Variants in CTNNA3 observed in about 807,000 individuals in gnomAD.
The protein encoded by CTNNA3 is catenin alpha 3.
In CTNNA3, 76 loss-of-function variants were observed where a neutral mutation model predicts 95.7. The observed-to-expected ratio is 0.79, with a 90% confidence interval of 0.66 to 0.96. The LOEUF (loss-of-function observed/expected upper bound fraction) is 0.96. Ranked by LOEUF, CTNNA3 falls within the 40% of genes least tolerant of loss-of-function variation. CTNNA3 has a pLI of 0.00. For missense variants in CTNNA3, 1,191 were observed against 1,089.8 expected, an observed-to-expected ratio of 1.09 and a Z score of -1.31; for synonymous variants, 431 against 374.4, an observed-to-expected ratio of 1.15 and a Z score of -1.74.
At chr10:67,442,386 A>G (rs1846554454) in intron 5 of CTNNA3, among the ~76,000 whole-genome samples, 1 of 152,156 alleles carries the variant, frequency 6.6e-6, no homozygotes, top group Admixed American at 6.6e-5. Flanking sequence ...TAAATGGACT[A>G]AACTCTGCAA....
intron 5 of CTNNA3, among the ~76,000 whole-genome samples, chr10:67,433,803 G>A (rs902679721): frequency 1.6e-4 from 25 of 152,022 alleles, no homozygotes; most frequent in African/African-American, 4.8e-4. Flanking sequence ...ACACCACTTC[G>A]CACAATAGCT....
intron 7 of CTNNA3, among the ~76,000 whole-genome samples, chr10:66,908,539 A>G (rs1564758637): frequency 6.6e-6 from 1 of 152,164 alleles, no homozygotes; most frequent in Non-Finnish European, 1.5e-5. Context: ...ATGTTCTCTA[A>G]GAAGTCCTGG....
chr10:66,010,737 A>G (rs1454873425), intron 15 of CTNNA3, among the ~76,000 whole-genome samples: 2 of 152,200 alleles, frequency 1.3e-5, no homozygotes, highest in African/African-American at 4.8e-5. Context: ...GCACATGATA[A>G]CTAATTGTAG....
At chr10:67,750,541 AC>A in intron 1 of CTNNA3, 2 of 1,577,796 alleles carry the variant, frequency 1.3e-6, no homozygotes, top group Non-Finnish European at 1.7e-6. Flanking sequence ...TCTTTGAGAG[AC>A]CCCTTGTGAG....
chr10:67,451,289 C>T (rs10997648), intron 5 of CTNNA3, among the ~76,000 whole-genome samples: 40,939 of 151,790 alleles, frequency 0.27, 8,481 homozygotes, highest in African/African-American at 0.58. Context: ...TTATAAATTA[C>T]GCAGTCTGTG....
intron 1 of CTNNA3, among the ~76,000 whole-genome samples, chr10:67,717,133 C>T (rs1841148861): frequency 6.6e-6 from 1 of 152,104 alleles, no homozygotes; most frequent in Non-Finnish European, 1.5e-5. Flanking sequence ...TGAGAAGTAT[C>T]TGTTCATATC....
intron 9 of CTNNA3, among the ~76,000 whole-genome samples, chr10:66,673,182 A>G (rs777288025): frequency 5.3e-5 from 8 of 152,118 alleles, no homozygotes; most frequent in Non-Finnish European, 7.4e-5. Context: ...AGCATGAAAA[A>G]TATTTGAAAA....
intron 9 of CTNNA3, among the ~76,000 whole-genome samples, chr10:66,627,542 A>C (rs1047682698): frequency 9.9e-5 from 15 of 152,132 alleles, no homozygotes; most frequent in African/African-American, 3.4e-4. Flanking sequence ...GATTCTTAGT[A>C]AGTACTGAGC....
chr10:67,385,607 A>G (rs1844123524), intron 5 of CTNNA3, among the ~76,000 whole-genome samples: 1 of 152,198 alleles, frequency 6.6e-6, no homozygotes, highest in Non-Finnish European at 1.5e-5. Context: ...ACTAGTTTAA[A>G]GGAAGAAGGA....
intron 7 of CTNNA3, among the ~76,000 whole-genome samples, chr10:67,136,907 A>AGAT (rs1385972710): frequency 6.6e-6 from 1 of 152,188 alleles, no homozygotes; most frequent in African/African-American, 2.4e-5. Context: ...AAAGAAGAGA[A>AGAT]GATGATGAGT....
intron 17 of CTNNA3, among the ~76,000 whole-genome samples, chr10:65,956,837 C>T (rs1359517540): frequency 2.6e-5 from 4 of 152,018 alleles, no homozygotes; most frequent in African/African-American, 9.7e-5. Flanking sequence ...ATAAGTGCGA[C>T]GTTGTGCTGA....
intron 7 of CTNNA3, among the ~76,000 whole-genome samples, chr10:66,804,010 T>G (rs1841542654): frequency 6.6e-6 from 1 of 151,928 alleles, no homozygotes; most frequent in Non-Finnish European, 1.5e-5. Flanking sequence ...TGTTTTTGGT[T>G]TTCATCTGTT....
chr10:66,320,781 ATTGCCAAATG>A (rs1336257311), intron 12 of CTNNA3, among the ~76,000 whole-genome samples: 3 of 152,190 alleles, frequency 2.0e-5, no homozygotes, highest in African/African-American at 7.2e-5. Flanking sequence ...AAGAGAAAAT[ATTGCCAAATG>A]TTGCCAAAGG....
chr10:66,604,302 ACAC>A (rs1374702184), intron 10 of CTNNA3, among the ~76,000 whole-genome samples: 2 of 152,204 alleles, frequency 1.3e-5, no homozygotes, highest in Non-Finnish European at 2.9e-5. Context: ...CCCCATGCTA[ACAC>A]CACCACCAGT....
intron 10 of CTNNA3, among the ~76,000 whole-genome samples, chr10:66,587,059 C>T (rs1348798367): frequency 2.0e-5 from 3 of 152,068 alleles, no homozygotes; most frequent in African/African-American, 7.2e-5. Flanking sequence ...CACCAGGTGC[C>T]AGCATTACCT....
intron 1 of CTNNA3, among the ~76,000 whole-genome samples, chr10:67,660,923 T>G (rs958027073): frequency 2.3e-5 from 3 of 130,102 alleles, no homozygotes; most frequent in African/African-American, 1.1e-4. Context: ...AGAGCAAGAC[T>G]CCGTCTCAAA....
chr10:67,536,192 A>G (rs1293178769), intron 4 of CTNNA3, among the ~76,000 whole-genome samples: 3 of 152,122 alleles, frequency 2.0e-5, no homozygotes, highest in African/African-American at 7.2e-5. Context: ...AAGTCAAAAA[A>G]TTTTTAGCCT....
chr10:66,803,371 C>T (rs1180376598), intron 7 of CTNNA3, among the ~76,000 whole-genome samples: 2 of 151,954 alleles, frequency 1.3e-5, no homozygotes, highest in African/African-American at 2.4e-5. Context: ...ACTCTCACTT[C>T]GAATTTCTGA....
intron 9 of CTNNA3, among the ~76,000 whole-genome samples, chr10:66,721,159 G>A (rs1003171745): frequency 1.3e-5 from 2 of 152,158 alleles, no homozygotes; most frequent in African/African-American, 4.8e-5. Context: ...GCAGGGAGAG[G>A]CTATGGGATT....
Sources: gnomAD v4.1 joint callset for allele counts (sites outside exome capture counted in the v4.1 genomes callset) on GRCh38, gnomAD v4.1.1 for gene constraint, MANE v1.5 for transcripts, NCBI Gene and HGNC (gene_info 2026-07-23, HGNC 2026-07-21) for gene names.